The following WAC variants were observed in gnomAD, a reference collection of about 807,000 sequenced individuals.
WAC encodes the protein WW domain containing adaptor with coiled-coil, also known as WW domain-containing adapter protein with coiled-coil.
In WAC, 11 loss-of-function variants were observed where a neutral mutation model predicts 79.6. The ratio of observed to expected loss-of-function variants is 0.14; its 90% CI spans 0.09 to 0.23. The LOEUF is 0.23. WAC is among the 10% of genes least tolerant of loss of function. The probability of loss-of-function intolerance (pLI) is 1.00; values close to 1 mark genes in which losing one functional copy is unlikely to be tolerated. For synonymous variants in WAC, 304 were observed against 276.9 expected, an observed-to-expected ratio of 1.10 and a Z score of -0.97; for missense variants, 728 against 773.5, an observed-to-expected ratio of 0.94 and a Z score of 0.70.
intron 7 of WAC, among the ~76,000 whole-genome samples, chr10:28,601,495 A>C (rs1474252780): frequency 6.6e-6 from 1 of 152,164 alleles, no homozygotes; most frequent in Non-Finnish European, 1.5e-5. Context: ...TCTGGAATAC[A>C]GTTCGGCAGT....
In WAC at chr10:28,535,734, A is replaced by T. The variant is rs1836617951; in HGVS notation, c.251A>T (p.His84Leu). ...AGTAAGGCCAAAAATGTGCATACTC[A>T]CAGAGTTAGAGAGAGGGATGGTGGT... Reference protein sequence around the residue: ...GHSKAKNVHTHRVRERDGGTS... With the variant: ...GHSKAKNVHTLRVRERDGGTS... Residue 84 changes from histidine (H) to leucine (L), a missense_variant, in exon 3 of 14, where the codon CAC becomes CTC. Physicochemically the swap from His to Leu is moderately conservative, Grantham distance 99 (BLOSUM62 -3). Transcript: ENST00000354911. 6.2e-7 allele frequency: 1 copy of T among 1,613,146 alleles called. No homozygotes were observed. The highest frequency in any genetic ancestry group is 1.3e-5 in the African/African-American group (1 of 74,896).
intron 3 of WAC, among the ~76,000 whole-genome samples, chr10:28,563,424 A>G (rs1382630569): frequency 3.3e-5 from 5 of 152,186 alleles, no homozygotes; most frequent in Admixed American, 2.0e-4. Flanking sequence ...TTAAAATGCT[A>G]TATTTTGTAA....
At position 28,608,202 on chromosome 10, in the gene WAC, C is replaced by T; in HGVS notation, c.936C>T (p.Asp312=). ...KTERKESTSG[D]KPVSHSCTTP... is the part of the protein sequence containing the mutation. ...TTTATTTAGAATCTACATCAGGAGA[C>T]AAACCCGTATCACATTCTTGCACAA... Residue 312 remains aspartate (D), a synonymous_variant, in exon 8 of 14, where the codon GAC becomes GAT. Transcript: ENST00000354911. The T allele has an allele frequency of 6.2e-7, 1 of 1,614,098 alleles. No homozygotes were observed. Among genetic ancestry groups the T allele is most frequent in the Non-Finnish European group, 8.5e-7 (1 of 1,180,026 alleles).
intron 3 of WAC, among the ~76,000 whole-genome samples, chr10:28,558,551 T>C (rs1838124716): frequency 6.6e-6 from 1 of 152,232 alleles, no homozygotes; most frequent in South Asian, 2.1e-4. Flanking sequence ...TGTAGCAATC[T>C]ATTTGTATAA....
chr10:28,598,322 G>C (rs938418099), intron 7 of WAC, among the ~76,000 whole-genome samples: 1 of 152,058 alleles, frequency 6.6e-6, no homozygotes, highest in Admixed American at 6.5e-5. Context: ...TTGCAAACTT[G>C]GACATTTGTT....
At chr10:28,579,464 G>A (rs1287246189) in intron 3 of WAC, among the ~76,000 whole-genome samples, 2 of 152,108 alleles carry the variant, frequency 1.3e-5, no homozygotes, top group Non-Finnish European at 2.9e-5. Flanking sequence ...CGTGGATTCT[G>A]CTCTTACTGG....
intron 4 of WAC, among the ~76,000 whole-genome samples, chr10:28,587,171 T>TA (rs1479900635): frequency 1.1e-5 from 1 of 92,954 alleles, no homozygotes; most frequent in Non-Finnish European, 2.8e-5. Context: ...ACTGGGAAAT[T>TA]ATTCATTTCA....
intron 3 of WAC, among the ~76,000 whole-genome samples, chr10:28,570,431 C>G (rs332140): frequency 0.84 from 127,326 of 152,222 alleles, 53,379 homozygotes; most frequent in East Asian, 0.94. Flanking sequence ...CATCTGCAGA[C>G]ACTCTCTGTA....
intron 3 of WAC, among the ~76,000 whole-genome samples, chr10:28,536,577 C>T (rs1364522867): frequency 6.6e-6 from 1 of 152,054 alleles, no homozygotes; most frequent in African/African-American, 2.4e-5. Context: ...CAGTATTCTC[C>T]AGTTTTGGTG....
At chr10:28,601,510 C>G (rs929942172) in intron 7 of WAC, among the ~76,000 whole-genome samples, 5 of 152,082 alleles carry the variant, frequency 3.3e-5, no homozygotes, top group Non-Finnish European at 1.5e-5. Context: ...GGCAGTTCTT[C>G]AGAAAGTTAA....
Position 28,600,738 on chromosome 10 carries a change from A to T in WAC, c.919+4697A>T, listed in dbSNP as rs548748164. 2.0e-5 allele frequency among the ~76,000 whole-genome samples: 3 copies of T among 152,294 alleles called. No individual in the cohort carries two copies. The South Asian group carries it at 6.2e-4, about 32-fold the overall frequency. ...TAAATTTGACCACATAGACATTTAA[A>T]ACTTCTTTATAAAAAGTACAATAAA... is the stretch of plus-strand genomic sequence containing the variant. On this transcript the variant is annotated intron_variant, in intron 7 of 13. Transcript: ENST00000354911.
chr10:28,572,198 T>TTGGTGGC (rs1839010329), intron 3 of WAC, among the ~76,000 whole-genome samples: 1 of 151,414 alleles, frequency 6.6e-6, no homozygotes, highest in Non-Finnish European at 1.5e-5. Context: ...TTAGCCGGGC[T>TTGGTGGC]TGGTGGCAGG....
At chr10:28,597,424 T>G (rs1381038682) in intron 7 of WAC, among the ~76,000 whole-genome samples, 2 of 152,174 alleles carry the variant, frequency 1.3e-5, no homozygotes, top group South Asian at 2.1e-4. Flanking sequence ...TTGAAAGTAT[T>G]TATCCCATGT....
chr10:28,581,870 C>T (rs918967268), intron 3 of WAC, among the ~76,000 whole-genome samples: 1 of 152,118 alleles, frequency 6.6e-6, no homozygotes, highest in Admixed American at 6.6e-5. Context: ...TCTGTTCATT[C>T]ATAGAGCATT....
chr10:28,609,507 T>G (rs1389096463), intron 8 of WAC, among the ~76,000 whole-genome samples: 3 of 152,240 alleles, frequency 2.0e-5, no homozygotes, highest in Non-Finnish European at 4.4e-5. Context: ...CTGTCCTTAA[T>G]TTTTTTGTAT....
intron 6 of WAC, 189 bp downstream of exon 6, chr10:28,591,021 T>A: frequency 1.8e-6 from 1 of 552,198 alleles, no homozygotes; most frequent in Non-Finnish European, 3.2e-6. Flanking sequence ...CACGGTCGAG[T>A]AGTACAGGTA....
chr10:28,599,483 A>G (rs1377353095), intron 7 of WAC, among the ~76,000 whole-genome samples: 1 of 152,238 alleles, frequency 6.6e-6, no homozygotes, highest in Non-Finnish European at 1.5e-5. Context: ...TGGATGTTGT[A>G]TAGGCATCCA....
intron 4 of WAC, among the ~76,000 whole-genome samples, chr10:28,585,704 G>C (rs12248596): frequency 0.031 from 4,661 of 152,046 alleles, 245 homozygotes; most frequent in African/African-American, 0.11. Context: ...CTAACCTAAA[G>C]TTCCACTTGT....
rs1312613029 is a variant in WAC at position 28,603,933 on chromosome 10, C to CA, written c.920-4243dup. Among the ~76,000 whole-genome samples, 33 of 17,986 alleles carry CA rather than the reference C, an allele frequency of 1.8e-3. 1 individual carries two copies. Among genetic ancestry groups the CA allele is most frequent in the African/African-American group, 6.0e-3 (24 of 3,986 alleles). The allele number at this position is 17,986 out of a possible 152,430, so 11.8% of individuals were successfully genotyped here. ...TGGGTGACAGAGCAAGACTCCGTCT[C>CA]AAAAAAAAAATATATATATGTATGT... On this transcript the variant is annotated intron_variant, in intron 7 of 13. Coordinates refer to ENST00000354911, the MANE Select transcript of WAC (RefSeq NM_016628.5).
Sources: gnomAD v4.1 joint callset for allele counts (sites outside exome capture counted in the v4.1 genomes callset) on GRCh38, gnomAD v4.1.1 for gene constraint, MANE v1.5 for transcripts, NCBI Gene and HGNC (gene_info 2026-07-23, HGNC 2026-07-21) for gene names.